Variants in CRACR2A observed in about 807,000 individuals in gnomAD.
The protein encoded by CRACR2A is calcium release activated channel regulator 2A.
In CRACR2A, 79 loss-of-function variants were observed where a neutral mutation model predicts 90.5. The ratio of observed to expected loss-of-function variants is 0.87; its 90% CI spans 0.73 to 1.05. The LOEUF (loss-of-function observed/expected upper bound fraction) is 1.05, where lower values mean the gene tolerates loss of function less well. CRACR2A is among the 50% of genes least tolerant of loss of function. The pLI, the probability that CRACR2A is intolerant of heterozygous loss-of-function variation, is 0.00. For missense variants in CRACR2A, 823 were observed against 897.2 expected, an observed-to-expected ratio of 0.92 and a Z score of 1.06; for synonymous variants, 338 against 356.7, an observed-to-expected ratio of 0.95 and a Z score of 0.59.
At chr12:3,706,912 A>G (rs1945933228) in intron 3 of CRACR2A, among the ~76,000 whole-genome samples, 1 of 152,212 alleles carries the variant, frequency 6.6e-6, no homozygotes, top group East Asian at 1.9e-4. Flanking sequence ...TCTGTCAGCT[A>G]TTATTACTAC....
chr12:3,700,728 A>G (rs146303142), intron 3 of CRACR2A, among the ~76,000 whole-genome samples: 13 of 152,348 alleles, frequency 8.5e-5, no homozygotes, highest in African/African-American at 3.1e-4. Context: ...AAACTGATTG[A>G]ACTCCAAGGA....
chr12:3,646,211 C>G (rs1944684856), intron 11 of CRACR2A, among the ~76,000 whole-genome samples: 1 of 152,326 alleles, frequency 6.6e-6, no homozygotes, highest in East Asian at 1.9e-4. Flanking sequence ...GCAGAATGCA[C>G]TTGGGGATCA....
chr12:3,667,594 G>T (rs10848907), intron 7 of CRACR2A, among the ~76,000 whole-genome samples: 30,767 of 152,126 alleles, frequency 0.2, 3,841 homozygotes, highest in East Asian at 0.43. Context: ...TGCAAGAGAA[G>T]AACATGGAAG....
At chr12:3,715,928 C>A (rs1210830253) in intron 2 of CRACR2A, among the ~76,000 whole-genome samples, 1 of 152,074 alleles carries the variant, frequency 6.6e-6, no homozygotes, top group Non-Finnish European at 1.5e-5. Context: ...TCAGAAGGAG[C>A]AAAATCAGAA....
chr12:3,675,787 G>T (rs1053992624), intron 6 of CRACR2A, among the ~76,000 whole-genome samples: 1 of 152,222 alleles, frequency 6.6e-6, no homozygotes, highest in Non-Finnish European at 1.5e-5. Flanking sequence ...AGAAACAGAA[G>T]ATCTGAGGAT....
At chr12:3,646,911 A>G (rs1565472390) in intron 11 of CRACR2A, among the ~76,000 whole-genome samples, 1 of 152,192 alleles carries the variant, frequency 6.6e-6, no homozygotes, top group African/African-American at 2.4e-5. Flanking sequence ...ACTCACATGT[A>G]TCATCTAATT....
At chr12:3,664,971 C>T in intron 7 of CRACR2A, among the ~76,000 whole-genome samples, 1 of 152,274 alleles carries the variant, frequency 6.6e-6, no homozygotes, top group East Asian at 1.9e-4. Flanking sequence ...CAGGCCACTG[C>T]ACTCCAACCT....
chr12:3,743,018 TTTTTG>T (rs1411596092), intron 1 of CRACR2A, among the ~76,000 whole-genome samples: 3 of 152,240 alleles, frequency 2.0e-5, no homozygotes, highest in Admixed American at 6.5e-5. Flanking sequence ...TCCATTTTGT[TTTTTG>T]TTTTATTGGC....
In CRACR2A at chr12:3,615,339, T is replaced by C. The variant is rs564245764; in HGVS notation, c.*16A>G. The C allele has an allele frequency of 1.9e-6, 3 of 1,550,922 alleles. No individual in the cohort carries two copies. Among genetic ancestry groups the C allele is most frequent in the East Asian group, 4.9e-5 (2 of 40,908 alleles). On this transcript the variant is annotated 3_prime_UTR_variant, in exon 20 of 20. Transcript: ENST00000440314. Reference sequence around the variant, plus strand: ...GTGACCTCAGGTTTGCTGGGGGCAGTCCTTGTAGGACCCTATCAGCCACAG... The same window carrying C: ...GTGACCTCAGGTTTGCTGGGGGCAGCCCTTGTAGGACCCTATCAGCCACAG...
intron 17 of CRACR2A, among the ~76,000 whole-genome samples, chr12:3,623,754 A>G (rs1944200856): frequency 6.6e-6 from 1 of 152,218 alleles, no homozygotes; most frequent in South Asian, 2.1e-4. Flanking sequence ...CTTCTGCAGA[A>G]GGCCTGCAGG....
chr12:3,687,557 A>G (rs765872736), intron 4 of CRACR2A, among the ~76,000 whole-genome samples: 2 of 152,202 alleles, frequency 1.3e-5, no homozygotes, highest in Non-Finnish European at 2.9e-5. Context: ...ATAGTATTCC[A>G]TGGTGTATAT....
intron 3 of CRACR2A, among the ~76,000 whole-genome samples, chr12:3,704,073 C>T (rs1162657099): frequency 6.6e-6 from 1 of 152,224 alleles, no homozygotes; most frequent in East Asian, 1.9e-4. Flanking sequence ...TAAATATTTA[C>T]TCAAGAGAAG....
chr12:3,687,440 C>A (rs1945579403), intron 4 of CRACR2A, among the ~76,000 whole-genome samples: 1 of 152,142 alleles, frequency 6.6e-6, no homozygotes, highest in Non-Finnish European at 1.5e-5. Context: ...TAAGTAGGAA[C>A]ATGTGGTATT....
Position 3,733,024 on chromosome 12 carries a change from T to C in CRACR2A, c.-200A>G. ...TGTTGAATTCTCCTGGCACTCCTGC[T>C]GAATCCCAGCGCTCTGGATCCGGCT... On this transcript the variant is annotated 5_prime_UTR_variant, in exon 2 of 20. Transcript: ENST00000440314. 1 of 152,490 alleles carries C rather than the reference T, an allele frequency of 6.6e-6. No individual in the cohort carries two copies. Among genetic ancestry groups the C allele is most frequent in the Non-Finnish European group, 1.5e-5 (1 of 68,150 alleles). The allele number at this position is 152,490 out of a possible 1,614,324, so 9.4% of individuals were successfully genotyped here.
intron 13 of CRACR2A, among the ~76,000 whole-genome samples, chr12:3,639,997 C>T (rs1944535665): frequency 6.6e-6 from 1 of 152,168 alleles, no homozygotes; most frequent in Admixed American, 6.5e-5. Flanking sequence ...ACTACGCATA[C>T]ACACACACAG....
chr12:3,714,529 C>T (rs1946055184), intron 2 of CRACR2A, among the ~76,000 whole-genome samples: 1 of 152,090 alleles, frequency 6.6e-6, no homozygotes, highest in Non-Finnish European at 1.5e-5. Context: ...GGAAAGCTGC[C>T]CTGTCTTGCC....
At chr12:3,698,295 T>C (rs967424522) in intron 3 of CRACR2A, among the ~76,000 whole-genome samples, 1 of 152,212 alleles carries the variant, frequency 6.6e-6, no homozygotes, top group African/African-American at 2.4e-5. Context: ...TGTGGCGAGC[T>C]GGAGAATGTG....
At chr12:3,616,760 T>C (rs1867691406) in intron 19 of CRACR2A, among the ~76,000 whole-genome samples, 194 bp downstream of exon 19, 1 of 152,232 alleles carries the variant, frequency 6.6e-6, no homozygotes. Context: ...CATCATTGTT[T>C]CAGAAAGCTG....
At chr12:3,741,010 T>C (rs1565509555) in intron 1 of CRACR2A, among the ~76,000 whole-genome samples, 1 of 152,198 alleles carries the variant, frequency 6.6e-6, no homozygotes, top group East Asian at 1.9e-4. Context: ...TCTTCCTTTC[T>C]TCTCCATGGT....
Sources: gnomAD v4.1 joint callset for allele counts (sites outside exome capture counted in the v4.1 genomes callset) on GRCh38, gnomAD v4.1.1 for gene constraint, MANE v1.5 for transcripts, NCBI Gene and HGNC (gene_info 2026-07-23, HGNC 2026-07-21) for gene names.